Variants in CDC37 observed in about 807,000 individuals in gnomAD.
CDC37 encodes cell division cycle 37, HSP90 cochaperone, also known as hsp90 co-chaperone Cdc37.
CDC37 carries 9 observed loss-of-function variants against 46.9 expected under a neutral mutation model. The ratio of observed to expected loss-of-function variants is 0.19; its 90% CI spans 0.12 to 0.33. The LOEUF (loss-of-function observed/expected upper bound fraction) is 0.33, where lower values mean the gene tolerates loss of function less well. Among genes scored for constraint, CDC37 ranks in the 10% least tolerant of loss-of-function variants. The pLI is 1.00. For missense variants in CDC37, 388 were observed against 514.6 expected (o/e 0.75, Z 2.38); for synonymous variants, 193 against 191.0 (o/e 1.01, Z -0.09).
At chr19:10,402,558 G>A (rs936804720) in intron 1 of CDC37, among the ~76,000 whole-genome samples, 13 of 152,232 alleles carry the variant, frequency 8.5e-5, no homozygotes, top group South Asian at 4.1e-4. Flanking sequence ...GTGGTGACAG[G>A]GTCTGCAATA....
chr19:10,391,513 G>A lies in CDC37; in HGVS notation c.*38C>T. 1 of 1,612,658 alleles carries A rather than the reference G, an allele frequency of 6.2e-7. No homozygotes were observed. ...TCTGTTTTCTGAAAAGGGGCACATA[G>A]GGGCCTGGAAGCAGGTGGCGGTGGT... On this transcript the variant is annotated 3_prime_UTR_variant, in exon 8 of 8. Transcript: ENST00000222005.
chr19:10,391,653 G>T lies in CDC37; in HGVS notation c.1035C>A (p.Asn345Lys), dbSNP rs918777258. Residue 345 changes from asparagine (N) to lysine (K), a missense_variant, in exon 8 of 8, where the codon AAC becomes AAA. Coordinates refer to ENST00000222005, the MANE Select transcript of CDC37 (RefSeq NM_007065.4). ...CCTCCTTGGCCTCGCTGGCCTTAGA[G>T]TTGGGGACCCAGAGGCCAGAGTCAA... ...RCIDSGLWVP[N>K]SKASEAKEGE... 2 of 1,614,072 alleles carry T rather than the reference G, an allele frequency of 1.2e-6. No homozygotes were observed. Among genetic ancestry groups the T allele is most frequent in the South Asian group, 1.1e-5 (1 of 91,092 alleles).
In CDC37 at chr19:10,393,594, C is replaced by T; in HGVS notation, c.727-153G>A. On this transcript the variant is annotated intron_variant, in intron 5 of 7. Coordinates refer to ENST00000222005, the MANE Select transcript of CDC37 (RefSeq NM_007065.4). This position sits in a 1 kb window ranked among gnomAD's most constrained non-coding sequence, Gnocchi z 4.9. Reference sequence around the variant, plus strand: ...TGAAGGGCTCCCCAAGGCCTGGGCTCCCCCGCCGGGGACCTCATCTGGCAT... The same window carrying T: ...TGAAGGGCTCCCCAAGGCCTGGGCTTCCCCGCCGGGGACCTCATCTGGCAT... 2 of 737,138 alleles carry T rather than the reference C, an allele frequency of 2.7e-6. No homozygotes were observed. The highest frequency in any genetic ancestry group is 4.2e-6 in the Non-Finnish European group (2 of 478,056). 45.7% of individuals were successfully genotyped at this position (737,138 alleles called of 1,614,324 possible). A position where few individuals can be genotyped will look rare whatever the true frequency, so the allele number is the denominator to read the frequency against.
chr19:10,395,889 C>A, intron 2 of CDC37, 39 bp downstream of exon 2: 1 of 1,598,170 alleles, frequency 6.3e-7, no homozygotes, highest in Non-Finnish European at 8.5e-7. Flanking sequence ...GGCTCTCTGG[C>A]TGCGCATGCG....
chr19:10,399,931 T>TAAAAAAAAAAAAAAAAAAAAAAAAAAAAA (rs56162717), intron 1 of CDC37, among the ~76,000 whole-genome samples: 1 of 48,320 alleles, frequency 2.1e-5, no homozygotes, highest in African/African-American at 8.3e-5. Flanking sequence ...GACTCCGTCT[T>TAAAAAAAAAAAAAAAAAAAAAAAAAAAAA]AAAAAAAAAA....
intron 2 of CDC37, 63 bp downstream of exon 2, chr19:10,395,865 G>A: frequency 6.4e-7 from 1 of 1,563,296 alleles, no homozygotes; most frequent in Non-Finnish European, 8.7e-7. Context: ...GGGTGCGCAT[G>A]CGTCCTGGTT....
chr19:10,395,048 G>A lies in CDC37; in HGVS notation c.699C>T (p.Cys233=). The A allele has an allele frequency of 6.5e-7, 1 of 1,529,812 alleles. No individual in the cohort carries two copies. The highest frequency in any genetic ancestry group is 1.3e-5 in the South Asian group (1 of 77,308). 94.8% of individuals were successfully genotyped at this position (1,529,812 alleles called of 1,614,324 possible). The change falls in exon 5 of 8, where the codon TGC becomes TGT. Residue 233 remains cysteine (C), a synonymous_variant. Coordinates refer to ENST00000222005, the MANE Select transcript of CDC37 (RefSeq NM_007065.4). ...AKSLKVDPRA[C]FRQFFTKIKT... ...TAATCTTAGTGAAGAACTGCCGGAA[G>A]CAGGCCCGGGGGTCCACCTTTAGGC...
intron 1 of CDC37, 26 bp downstream of exon 1, chr19:10,403,352 G>C: frequency 2.5e-6 from 4 of 1,583,884 alleles, no homozygotes; most frequent in Non-Finnish European, 3.5e-6. Flanking sequence ...CGGGAGTGGG[G>C]AAAGGGATGG....
chr19:10,393,378 G>C lies in CDC37; in HGVS notation c.790C>G (p.Arg264Gly). ...DELEAFKERV[R>G]GRAKLRIEKA... ...TCGATGCGCAGCTTGGCACGGCCCC[G>C]CACACGCTCCTTGAAGGCTTCCAGC... is the stretch of plus-strand genomic sequence containing the variant. Residue 264 changes from arginine (R) to glycine (G), a missense_variant, in exon 6 of 8, where the codon CGG (arginine) becomes GGG (glycine). Arg to Gly is a moderately radical substitution (Grantham distance 125). Coordinates refer to ENST00000222005, the MANE Select transcript of CDC37 (RefSeq NM_007065.4). This position sits in a 1 kb window ranked among gnomAD's most constrained non-coding sequence, Gnocchi z 4.9. The C allele has an allele frequency of 6.2e-7, 1 of 1,613,994 alleles. No individual in the cohort carries two copies. Among genetic ancestry groups the C allele is most frequent in the Non-Finnish European group, 8.5e-7 (1 of 1,179,998 alleles).
At position 10,395,921 on chromosome 19, in the gene CDC37, C is replaced by T. The variant is rs1212336704; in HGVS notation, c.378+7G>A. ...TGCGCACTGCCCGCCCCGCCCGCCC[C>T]GCACACCTTGCTGAAGCCGTCTTTG... On this transcript the variant is annotated splice_region_variant and intron_variant, in intron 2 of 7. Coordinates refer to ENST00000222005, the MANE Select transcript of CDC37 (RefSeq NM_007065.4). The T allele has an allele frequency of 1.9e-6, 3 of 1,611,788 alleles. No homozygotes were observed. Among genetic ancestry groups the T allele is most frequent in the Non-Finnish European group, 2.5e-6 (3 of 1,178,414 alleles).
chr19:10,392,922 G>T, intron 7 of CDC37, 164 bp downstream of exon 7: 1 of 633,154 alleles, frequency 1.6e-6, no homozygotes, highest in East Asian at 2.7e-5. Flanking sequence ...GGATACAGTA[G>T]GTGCTCAATA....
chr19:10,399,568 G>A (rs1000430938), intron 1 of CDC37, among the ~76,000 whole-genome samples: 4 of 150,286 alleles, frequency 2.7e-5, no homozygotes, highest in Admixed American at 2.0e-4. Context: ...TTGGGAGGCC[G>A]AGGTGGGAGG....
chr19:10,391,236 C>T lies in CDC37; in HGVS notation c.*315G>A. ...CAGAGCCCAGTGACGAGAGCCGGCC[C>T]CTTGGCTGGGGACCCTCCCCAACTA... On this transcript the variant is annotated 3_prime_UTR_variant, in exon 8 of 8. Coordinates refer to ENST00000222005, the MANE Select transcript of CDC37 (RefSeq NM_007065.4). The T allele has an allele frequency of 2.5e-6, 1 of 406,842 alleles. No homozygotes were observed. The highest frequency in any genetic ancestry group is 4.5e-6 in the Non-Finnish European group (1 of 221,070). The allele number at this position is 406,842 out of a possible 1,614,324, so 25.2% of individuals were successfully genotyped here.
At position 10,395,276 on chromosome 19, in the gene CDC37, C is replaced by T; in HGVS notation, c.555G>A (p.Glu185=). The T allele has an allele frequency of 6.2e-7, 1 of 1,614,156 alleles. No individual in the cohort carries two copies. The highest frequency in any genetic ancestry group is 8.5e-7 in the Non-Finnish European group (1 of 1,180,034). The part of the protein sequence containing the change: ...LSDNVHLVCE[E]TANYLVIWCI... ...ACCAAATGACCAGGTAATTGGCTGT[C>T]TCCTCGCACACCAGGTGGACGTTGT... Residue 185 remains glutamate (E), a synonymous_variant, in exon 4 of 8, where the codon GAG becomes GAA. Coordinates refer to ENST00000222005, the MANE Select transcript of CDC37 (RefSeq NM_007065.4).
intron 2 of CDC37, 48 bp from the exon 3 acceptor site, chr19:10,395,591 G>A (rs775550400): frequency 6.9e-7 from 1 of 1,451,432 alleles, no homozygotes. Context: ...GCTGCGGAGC[G>A]CCTCGAGCGC....
chr19:10,397,993 TCCA>T (rs1425367900), intron 1 of CDC37, among the ~76,000 whole-genome samples: 4 of 152,094 alleles, frequency 2.6e-5, no homozygotes, highest in African/African-American at 9.7e-5. Context: ...CCTGCGTGGC[TCCA>T]CCATCACCTC....
At chr19:10,402,616 G>A (rs2042525743) in intron 1 of CDC37, among the ~76,000 whole-genome samples, 1 of 152,162 alleles carries the variant, frequency 6.6e-6, no homozygotes, top group Admixed American at 6.6e-5. Flanking sequence ...ACGTGGGCAG[G>A]ATTTCCTGGT....
chr19:10,400,120 G>A (rs752882460), intron 1 of CDC37, among the ~76,000 whole-genome samples: 1 of 151,948 alleles, frequency 6.6e-6, no homozygotes, highest in African/African-American at 2.4e-5. Flanking sequence ...TGGAGTTGGC[G>A]GGGGCGGCAG....
chr19:10,398,307 C>T lies in CDC37; in HGVS notation c.103-2104G>A, dbSNP rs773629384. On this transcript the variant is annotated intron_variant, in intron 1 of 7. Transcript: ENST00000222005. The surrounding 1 kb of genome is among the most constrained non-coding windows in gnomAD (Gnocchi z 4.2). ...TCTTGCCTCTTGGCCTCTGCATGTG[C>T]GGTTCCCTTACCTGCTTTTGCACCC... is the stretch of plus-strand genomic sequence containing the variant. 3.3e-5 allele frequency among the ~76,000 whole-genome samples: 5 copies of T among 152,294 alleles called. No homozygotes were observed. Among genetic ancestry groups the T allele is most frequent in the East Asian group, 1.9e-4 (1 of 5,186 alleles).
Sources: gnomAD v4.1 joint callset for allele counts (sites outside exome capture counted in the v4.1 genomes callset) on GRCh38, gnomAD v4.1.1 for gene constraint, Gnocchi (gnomAD v3.1) non-coding constraint, MANE v1.5 for transcripts, NCBI Gene and HGNC (gene_info 2026-07-23, HGNC 2026-07-21) for gene names.